CLEC6A: variants seen among roughly 807,000 people sequenced by gnomAD.
CLEC6A encodes the protein C-type lectin domain containing 6A, also known as C-type lectin domain family 6 member A.
A neutral mutation model predicts 25.7 loss-of-function variants in CLEC6A; 22 were observed. That is an observed-to-expected ratio of 0.85 (90% CI 0.61 to 1.22). CLEC6A has a LOEUF of 1.22. CLEC6A is among the 50% of genes most tolerant of loss of function. CLEC6A has a pLI of 0.00. For missense variants in CLEC6A, 240 were observed against 236.8 expected (o/e 1.01, Z -0.09); for synonymous variants, 92 against 76.7 (o/e 1.20, Z -1.04).
At chr12:8,476,450 A>C (rs1380636924) in intron 5 of CLEC6A, among the ~76,000 whole-genome samples, 1 of 152,156 alleles carries the variant, frequency 6.6e-6, no homozygotes, top group African/African-American at 2.4e-5. Context: ...ACTTGCCCCA[A>C]ATCAATAAAC....
chr12:8,465,878 T>G (rs912229151), intron 4 of CLEC6A, among the ~76,000 whole-genome samples: 24 of 152,212 alleles, frequency 1.6e-4, no homozygotes, highest in Non-Finnish European at 1.5e-5. Context: ...TGAGTTTGAC[T>G]ATTTTAAATA....
chr12:8,466,869 G>C (rs774765012), intron 4 of CLEC6A, among the ~76,000 whole-genome samples: 1 of 152,264 alleles, frequency 6.6e-6, no homozygotes, highest in East Asian at 1.9e-4. Flanking sequence ...GGTCAGGCTG[G>C]TCTTGAACTC....
intron 4 of CLEC6A, among the ~76,000 whole-genome samples, chr12:8,467,813 T>A (rs1452536943): frequency 6.6e-6 from 1 of 152,220 alleles, no homozygotes; most frequent in Non-Finnish European, 1.5e-5. Context: ...TGAGATGTAT[T>A]TCCATTGATT....
Position 8,476,244 on chromosome 12 carries a change from AG to A in CLEC6A, c.485+5del. 1 of 1,535,486 alleles carries A rather than the reference AG, an allele frequency of 6.5e-7. No homozygotes were observed. The highest frequency in any genetic ancestry group is 9.0e-7 in the Non-Finnish European group (1 of 1,117,250). ...CACCTTATGAGAAAAATGTCAGGTG[AG>A]TGCAGTTCTGGGGCCTTGTTTACAT... On this transcript the variant is annotated splice_donor_5th_base_variant and intron_variant, in intron 5 of 5. Coordinates refer to ENST00000382073, the MANE Select transcript of CLEC6A (RefSeq NM_001007033.2).
chr12:8,461,980 A>G (rs1360347626), intron 3 of CLEC6A, among the ~76,000 whole-genome samples: 2 of 152,256 alleles, frequency 1.3e-5, no homozygotes, highest in Admixed American at 6.5e-5. Flanking sequence ...CTGTGTAGAA[A>G]GAAGTAGACA....
chr12:8,477,407 T>G lies in CLEC6A; in HGVS notation c.573T>G (p.Asp191Glu), dbSNP rs763490309. Reference sequence around the variant, plus strand: ...AACCTACAGGATGGGGCTGGAATGATGTTATCTGTGAAACTAGAAGGAATT... The same window carrying G: ...AACCTACAGGATGGGGCTGGAATGAGGTTATCTGTGAAACTAGAAGGAATT... ...FWKPTGWGWN[D>E]VICETRRNSI... is the part of the protein sequence containing the mutation. Residue 191 changes from aspartate to glutamate, a missense_variant, in exon 6 of 6, where the codon GAT becomes GAG. Asp to Glu is a conservative substitution (Grantham distance 45). Transcript: ENST00000382073. 4 of 1,611,744 alleles carry G rather than the reference T, an allele frequency of 2.5e-6. No homozygotes were observed. The African/African-American group carries it at 4.0e-5, about 16-fold the overall frequency.
At position 8,477,408 on chromosome 12, in the gene CLEC6A, G is replaced by T. The variant is rs766767003; in HGVS notation, c.574G>T (p.Val192Phe). Reference protein sequence around the residue: ...WKPTGWGWNDVICETRRNSIC... With the variant: ...WKPTGWGWNDFICETRRNSIC... ...ACCTACAGGATGGGGCTGGAATGAT[G>T]TTATCTGTGAAACTAGAAGGAATTC... Residue 192 changes from valine (V) to phenylalanine (F), a missense_variant, in exon 6 of 6, where the codon GTT becomes TTT. By Grantham distance (50) the Val-to-Phe change is conservative. Coordinates refer to ENST00000382073, the MANE Select transcript of CLEC6A (RefSeq NM_001007033.2). 10 of 1,611,686 alleles carry T rather than the reference G, an allele frequency of 6.2e-6. No homozygotes were observed. In the Admixed American group the frequency reaches 1.2e-4, roughly 19 times the overall value.
chr12:8,476,118 C>A lies in CLEC6A; in HGVS notation c.370-7C>A. The A allele has an allele frequency of 1.3e-6, 2 of 1,572,004 alleles. No homozygotes were observed. The highest frequency in any genetic ancestry group is 8.7e-7 in the Non-Finnish European group (1 of 1,152,268). On this transcript the variant is annotated splice_region_variant and splice_polypyrimidine_tract_variant and intron_variant, in intron 4 of 5. Transcript: ENST00000382073. ...AGTCTTTGACTCCTTTTTTTTCCTTCATGCAGAATTTCATTGTCCAGCAGC... is the reference window on the plus strand; with the variant it reads ...AGTCTTTGACTCCTTTTTTTTCCTTAATGCAGAATTTCATTGTCCAGCAGC...
intron 4 of CLEC6A, among the ~76,000 whole-genome samples, chr12:8,468,425 A>T (rs1264779115): frequency 1.3e-5 from 2 of 152,204 alleles, no homozygotes; most frequent in Non-Finnish European, 2.9e-5. Flanking sequence ...AGATTATGTC[A>T]TCTGTGAACA....
chr12:8,473,688 C>T (rs1939935965), intron 4 of CLEC6A, among the ~76,000 whole-genome samples: 1 of 152,120 alleles, frequency 6.6e-6, no homozygotes, highest in Admixed American at 6.6e-5. Context: ...TTCGCATTCC[C>T]ACCAGCAATG....
Position 8,459,685 on chromosome 12 carries a change from G to A in CLEC6A, c.210G>A (p.Gly70=), listed in dbSNP as rs371035585. The A allele has an allele frequency of 8.1e-6, 13 of 1,609,186 alleles. No homozygotes were observed. The East Asian group carries it at 2.9e-4, about 36-fold the overall frequency. ...YHSSLTCFSE[G]TKVPAWGCCP... is the part of the protein sequence containing the mutation. The stretch of plus-strand genomic sequence containing the variant: ...CAAGTCTCACCTGCTTCAGTGAAGG[G>A]ACAAAGGTGCCAGGTAAATCTTTAA... Residue 70 remains glycine, a synonymous_variant, in exon 3 of 6, where the codon GGG becomes GGA. Coordinates refer to ENST00000382073, the MANE Select transcript of CLEC6A (RefSeq NM_001007033.2).
At chr12:8,462,612 C>T (rs1939776511) in intron 3 of CLEC6A, among the ~76,000 whole-genome samples, 1 of 143,592 alleles carries the variant, frequency 7.0e-6, no homozygotes, top group African/African-American at 2.6e-5. Context: ...AATTCTTTAC[C>T]TTGTCTATGA....
chr12:8,461,025 T>C (rs1939747227), intron 3 of CLEC6A: 2 of 1,546,946 alleles, frequency 1.3e-6, no homozygotes, highest in African/African-American at 2.7e-5. Flanking sequence ...TCCTCATTGA[T>C]CCATTCTATA....
rs1436739871 is a variant in CLEC6A, at chr12:8,478,249, C to G, written c.*785C>G. ...TTAGCAAAGTTTGAGATAACTAGAGCCTGTAATCCATCATTTTAAATGGCA... is the reference window on the plus strand; with the variant it reads ...TTAGCAAAGTTTGAGATAACTAGAGGCTGTAATCCATCATTTTAAATGGCA... On this transcript the variant is annotated 3_prime_UTR_variant, in exon 6 of 6. Coordinates refer to ENST00000382073, the MANE Select transcript of CLEC6A (RefSeq NM_001007033.2). The G allele has an allele frequency of 1.3e-5, 2 of 151,830 alleles. No homozygotes were observed. The allele number at this position is 151,830 out of a possible 1,614,324, so 9.4% of individuals were successfully genotyped here.
chr12:8,465,269 A>G (rs1939814961), intron 3 of CLEC6A, among the ~76,000 whole-genome samples: 1 of 152,100 alleles, frequency 6.6e-6, no homozygotes, highest in South Asian at 2.1e-4. Flanking sequence ...AAAAAAGAAA[A>G]TTGGGAGAAA....
At chr12:8,461,029 T>C in intron 3 of CLEC6A, 37 of 1,563,620 alleles carry the variant, frequency 2.4e-5, no homozygotes, top group Non-Finnish European at 3.2e-5. Flanking sequence ...CATTGATCCA[T>C]TCTATAAAGC....
chr12:8,458,042 T>C, intron 2 of CLEC6A, 55 bp downstream of exon 2: 1 of 1,250,308 alleles, frequency 8.0e-7, no homozygotes, highest in Non-Finnish European at 1.2e-6. Context: ...GAATATTCCA[T>C]ACAGGTTTCC....
intron 3 of CLEC6A, chr12:8,460,951 G>A (rs1939746210): frequency 3.3e-6 from 3 of 914,354 alleles, no homozygotes; most frequent in African/African-American, 1.6e-5. Flanking sequence ...CCACTGTGGG[G>A]CTCTAAGAGT....
chr12:8,472,357 T>A (rs979393361), intron 4 of CLEC6A, among the ~76,000 whole-genome samples: 30 of 152,162 alleles, frequency 2.0e-4, no homozygotes, highest in African/African-American at 6.5e-4. Context: ...ATCCCAAATA[T>A]GTTGTGTTTC....
Sources: gnomAD v4.1 joint callset for allele counts (sites outside exome capture counted in the v4.1 genomes callset) on GRCh38, gnomAD v4.1.1 for gene constraint, MANE v1.5 for transcripts, NCBI Gene and HGNC (gene_info 2026-07-23, HGNC 2026-07-21) for gene names.